WDR90: variants seen among roughly 807,000 people sequenced by gnomAD.
WDR90 encodes the protein WD repeat domain 90, also known as WD repeat-containing protein 90.
In WDR90, 238 loss-of-function variants were observed where a neutral mutation model predicts 195.2. The observed-to-expected ratio is 1.22, with a 90% CI of 1.10 to 1.36. The LOEUF (loss-of-function observed/expected upper bound fraction) is 1.36, where lower values mean the gene tolerates loss of function less well. Ranked by LOEUF, WDR90 falls within the 40% of genes most tolerant of loss-of-function variation. WDR90 has a pLI of 0.00. For missense variants in WDR90, 2,734 were observed against 2,439.5 expected (o/e 1.12, Z -2.54); for synonymous variants, 1,265 against 1,052.4 (o/e 1.20, Z -3.91).
chr16:663,755 C>T (rs993530390), intron 34 of WDR90, among the ~76,000 whole-genome samples: 8 of 152,230 alleles, frequency 5.3e-5, no homozygotes, highest in South Asian at 4.1e-4. Flanking sequence ...GGACAGCCAC[C>T]GTGTCGCCCC....
intron 18 of WDR90, 80 bp downstream of exon 18, chr16:656,617 C>T: frequency 6.4e-7 from 1 of 1,572,254 alleles, no homozygotes; most frequent in South Asian, 1.2e-5. Context: ...GTGAGAGGGG[C>T]CTATAGGGAC....
upstream of WDR90, chr16:649,173 A>G: frequency 2.5e-6 from 1 of 402,174 alleles, no homozygotes; most frequent in East Asian, 3.7e-5. Flanking sequence ...TCGGGCTAAC[A>G]GGGGGCTGCC....
At position 666,557 on chromosome 16, in the gene WDR90, C is replaced by T. The variant is rs762433263; in HGVS notation, c.4843C>T (p.Leu1615Phe). Residue 1615 changes from leucine to phenylalanine, a missense_variant, in exon 38 of 41, where the codon CTT (leucine) becomes TTT (phenylalanine). Coordinates refer to ENST00000293879, the MANE Select transcript of WDR90 (RefSeq NM_145294.5). ...CGACTGGCTGCGGAACCACTGTGAG[C>T]TTGTGGACTGGTTGAGTTTCCCAAT... ...ASDWLRNHCELVDWLSFPMPA... is the reference protein window; with the variant it reads ...ASDWLRNHCEFVDWLSFPMPA... 2.5e-6 allele frequency: 4 copies of T among 1,612,780 alleles called. No homozygotes were observed. In the Admixed American group the frequency reaches 6.7e-5, roughly 27 times the overall value.
rs575914421 is a variant in WDR90 at position 657,326 on chromosome 16, A to T, written c.2473+105A>T. The T allele has an allele frequency of 4.2e-6, 6 of 1,429,760 alleles. No individual in the cohort carries two copies. In the African/African-American group the frequency reaches 7.2e-5, roughly 17 times the overall value. 88.6% of individuals were successfully genotyped at this position (1,429,760 alleles called of 1,614,324 possible). A position where few individuals can be genotyped will look rare whatever the true frequency, so the allele number is the denominator to read the frequency against. On this transcript the variant is annotated intron_variant, in intron 20 of 40. Transcript: ENST00000293879. ...CACATGCCGGTTTCCTGGTGCACCG[A>T]CTGGGTCCTGTGGGGGGGCGTGGCC...
At position 658,924 on chromosome 16, in the gene WDR90, A is replaced by C; in HGVS notation, c.2924A>C (p.Gln975Pro). The stretch of plus-strand genomic sequence containing the variant: ...TACATCGGCCACTCGGAACCCGTGC[A>C]GGCTGTGGCCTTCTCTCCTGACCAG... ...QVYIGHSEPV[Q>P]AVAFSPDQQQ... Residue 975 changes from glutamine (Q) to proline (P), a missense_variant, in exon 24 of 41, where the codon CAG (glutamine) becomes CCG (proline). By Grantham distance (76) the Gln-to-Pro change is moderately conservative. Transcript: ENST00000293879. 6.2e-7 allele frequency: 1 copy of C among 1,612,576 alleles called. No individual in the cohort carries two copies. The highest frequency in any genetic ancestry group is 8.5e-7 in the Non-Finnish European group (1 of 1,179,960).
In WDR90 at chr16:667,496, C is replaced by T. The variant is rs76093712; in HGVS notation, c.5154C>T (p.Asn1718=). The change falls in exon 41 of 41, where the codon AAC becomes AAT. Residue 1718 remains asparagine (N), a synonymous_variant. Coordinates refer to ENST00000293879, the MANE Select transcript of WDR90 (RefSeq NM_145294.5). ...CCCAAGACTTTGCCGGCCACGACAA[C>T]GCAGTGCACCTGTGCAGGTTTACAC... The part of the protein sequence containing the change: ...GTAQDFAGHD[N]AVHLCRFTPS... 463 of 1,612,066 alleles carry T rather than the reference C, an allele frequency of 2.9e-4. No homozygotes were observed. In the African/African-American group the frequency reaches 4.1e-3, roughly 14 times the overall value.
At chr16:657,259 G>T in intron 20 of WDR90, 38 bp downstream of exon 20, 1 of 1,502,124 alleles carries the variant, frequency 6.7e-7, no homozygotes, top group Non-Finnish European at 8.9e-7. Context: ...GACTCCTCAG[G>T]GCGGGGGAGG....
Position 651,647 on chromosome 16 carries a change from T to A in WDR90, c.740T>A (p.Leu247His). ...EKSCSPPEAV[L>H]LGPGPQPLPC... is the part of the protein sequence containing the mutation. Reference sequence around the variant, plus strand: ...GGGGTTCTTTGCTCTGTTCTAGTCCTCCTGGGGCCGGGGCCACAGCCTCTC... The same window carrying A: ...GGGGTTCTTTGCTCTGTTCTAGTCCACCTGGGGCCGGGGCCACAGCCTCTC... Residue 247 changes from leucine to histidine, a missense_variant, in exon 8 of 41, where the codon CTC (leucine) becomes CAC (histidine). Transcript: ENST00000293879. 1 of 1,612,440 alleles carries A rather than the reference T, an allele frequency of 6.2e-7. No individual in the cohort carries two copies. Among genetic ancestry groups the A allele is most frequent in the Non-Finnish European group, 8.5e-7 (1 of 1,179,934 alleles).
At chr16:662,900 G>T in intron 34 of WDR90, 56 bp downstream of exon 34, 1 of 1,533,482 alleles carries the variant, frequency 6.5e-7, no homozygotes. Context: ...TGCCCTCCCT[G>T]CCTGCCGGCT....
intron 18 of WDR90, 79 bp from the exon 19 acceptor site, chr16:656,653 C>G (rs749983763): frequency 6.4e-7 from 1 of 1,572,634 alleles, no homozygotes; most frequent in African/African-American, 1.4e-5. Context: ...TGTGTCGGCC[C>G]CATGGGTTTG....
At chr16:665,658 C>T in intron 34 of WDR90, 21 bp from the exon 35 acceptor site, 1 of 1,612,504 alleles carries the variant, frequency 6.2e-7, no homozygotes, top group African/African-American at 1.3e-5. Context: ...ACACCCCCAG[C>T]CTAGCTACGG....
chr16:662,873 G>A lies in WDR90; in HGVS notation c.4311+29G>A, dbSNP rs776018490. On this transcript the variant is annotated intron_variant, in intron 34 of 40. Coordinates refer to ENST00000293879, the MANE Select transcript of WDR90 (RefSeq NM_145294.5). ...AGGGACTTCCAGCCTGGGCAGAGGC[G>A]GGGCAGCCGAACCTGGTGCCCTCCC... The A allele has an allele frequency of 1.2e-5, 19 of 1,537,762 alleles. No individual in the cohort carries two copies. In the East Asian group the frequency reaches 2.4e-4, roughly 20 times the overall value.
Position 662,737 on chromosome 16 carries a change from G to C in WDR90, c.4204G>C (p.Asp1402His), listed in dbSNP as rs778885039. 1.1e-5 allele frequency: 18 copies of C among 1,597,824 alleles called. No homozygotes were observed. Among genetic ancestry groups the C allele is most frequent in the Non-Finnish European group, 1.5e-5 (18 of 1,169,828 alleles). ...CGGGGCTGTGGTGAGTGCCAGCTTC[G>C]ATGACAGCGTGGACATGGGCGTCGT... ...LDGAVVSASF[D>H]DSVDMGVVGT... Residue 1402 changes from aspartate to histidine, a missense_variant, in exon 34 of 41, where the codon GAT becomes CAT. Transcript: ENST00000293879.
In WDR90 at chr16:656,399, G is replaced by C. The variant is rs1005125806; in HGVS notation, c.2064G>C (p.Leu688=). ...GCCACCTGGGCTTCCTGGACACGCT[G>C]TCCCGGGTGTACCACATGCTGGCTC... is the stretch of plus-strand genomic sequence containing the variant. ...SSGHLGFLDT[L]SRVYHMLARS... is the part of the protein sequence containing the mutation. Residue 688 remains leucine, a synonymous_variant, in exon 18 of 41, where the codon CTG becomes CTC. Coordinates refer to ENST00000293879, the MANE Select transcript of WDR90 (RefSeq NM_145294.5). 1.2e-6 allele frequency: 2 copies of C among 1,608,144 alleles called. No individual in the cohort carries two copies. Among genetic ancestry groups the C allele is most frequent in the Non-Finnish European group, 1.7e-6 (2 of 1,179,328 alleles).
rs1424880289 is a variant in WDR90 at position 662,279 on chromosome 16, C to T, written c.4093C>T (p.Leu1365=). ...VSGSSTGRLR[L]WAVGAVSELR... The stretch of plus-strand genomic sequence containing the variant: ...CGGCAGCAGCACGGGGCGGCTGCGC[C>T]TGTGGGCCGTGGGGGCTGTGTCGGA... The change falls in exon 33 of 41, where the codon CTG becomes TTG. Residue 1365 remains leucine (L), a synonymous_variant. Coordinates refer to ENST00000293879, the MANE Select transcript of WDR90 (RefSeq NM_145294.5). 1.3e-6 allele frequency: 2 copies of T among 1,585,492 alleles called. No homozygotes were observed. Among genetic ancestry groups the T allele is most frequent in the African/African-American group, 1.3e-5 (1 of 74,542 alleles).
intron 13 of WDR90, chr16:654,807 T>G: frequency 1.8e-6 from 1 of 568,740 alleles, no homozygotes; most frequent in East Asian, 2.9e-5. Context: ...TCTCTGCGAA[T>G]GGGTTGCAGT....
At position 659,332 on chromosome 16, in the gene WDR90, C is replaced by T; in HGVS notation, c.3140C>T (p.Pro1047Leu). 1 of 1,596,964 alleles carries T rather than the reference C, an allele frequency of 6.3e-7. No homozygotes were observed. The highest frequency in any genetic ancestry group is 8.5e-7 in the Non-Finnish European group (1 of 1,172,738). Reference sequence around the variant, plus strand: ...GTCCCCAAGCCATGTCAGGCATCTCCACCACGGCTGGGCGTCTGTGCCAGG... The same window carrying T: ...GTCCCCAAGCCATGTCAGGCATCTCTACCACGGCTGGGCGTCTGTGCCAGG... The part of the protein sequence containing the change: ...QQVPKPCQAS[P>L]PRLGVCARPP... The change falls in exon 26 of 41, where the codon CCA becomes CTA. Residue 1047 changes from proline (P) to leucine (L), a missense_variant. Physicochemically the swap from Pro to Leu is moderately conservative, Grantham distance 98. Transcript: ENST00000293879.
Position 651,801 on chromosome 16 carries a change from G to A in WDR90, c.841-26G>A, listed in dbSNP as rs1567214322. 1.2e-5 allele frequency: 20 copies of A among 1,611,450 alleles called. No homozygotes were observed. In the East Asian group the frequency reaches 2.5e-4, roughly 20 times the overall value. ...GGGTTGGGGTGTGATGGCCCAGGAC[G>A]CTGATGGGCACTTGTCCCCCAGCAG... On this transcript the variant is annotated intron_variant, in intron 8 of 40. Transcript: ENST00000293879.
rs983249993 is a variant in WDR90 at position 652,546 on chromosome 16, T to C, written c.1122+11T>C. The C allele has an allele frequency of 6.2e-7, 1 of 1,602,772 alleles. No homozygotes were observed. Among genetic ancestry groups the C allele is most frequent in the Non-Finnish European group, 8.5e-7 (1 of 1,174,034 alleles). ...CACGGCACCAGACAGGTGAGGCTCC[T>C]GCGGCTGTGTCCAGAGCAGCTCTCG... On this transcript the variant is annotated intron_variant, in intron 10 of 40. Transcript: ENST00000293879.
Sources: allele counts gnomAD v4.1 joint callset (sites outside exome capture counted in the v4.1 genomes callset), GRCh38; gene constraint gnomAD v4.1.1; transcripts MANE v1.5; gene names NCBI Gene and HGNC (gene_info 2026-07-23, HGNC 2026-07-21).